NR5A2: variants seen among roughly 807,000 people sequenced by gnomAD.
NR5A2 encodes CYP7A promoter-binding factor.
In NR5A2, 26 loss-of-function variants were observed where a neutral mutation model predicts 62.7. That is an observed-to-expected ratio of 0.41 (90% confidence interval 0.30 to 0.58). NR5A2 has a LOEUF of 0.58. Ranked by LOEUF, NR5A2 falls within the 20% of genes least tolerant of loss-of-function variation. The pLI is 0.22. For synonymous variants in NR5A2, 246 were observed against 241.7 expected (o/e 1.02, Z -0.16); for missense variants, 541 against 669.1 (o/e 0.81, Z 2.11).
chr1:200,105,864 A>C (rs1263413521), intron 5 of NR5A2, among the ~76,000 whole-genome samples: 1 of 152,124 alleles, frequency 6.6e-6, no homozygotes, highest in Non-Finnish European at 1.5e-5. Context: ...AGATGGGAGA[A>C]TTGCTTGAGC....
At chr1:200,059,751 A>AG (rs1385462521) in intron 5 of NR5A2, among the ~76,000 whole-genome samples, 4 of 152,212 alleles carry the variant, frequency 2.6e-5, no homozygotes, top group African/African-American at 9.6e-5. Context: ...TTTATTTTCC[A>AG]GGATAAATAA....
intron 5 of NR5A2, among the ~76,000 whole-genome samples, chr1:200,106,353 G>A (rs933686165): frequency 7.9e-5 from 12 of 152,074 alleles, no homozygotes; most frequent in South Asian, 4.1e-4. Flanking sequence ...CACCATGCCC[G>A]GCCTAGATTC....
chr1:200,037,281 T>C (rs1661821995), intron 1 of NR5A2, among the ~76,000 whole-genome samples: 1 of 152,150 alleles, frequency 6.6e-6, no homozygotes, highest in African/African-American at 2.4e-5. Context: ...CAGACCCTCT[T>C]TCAACTTCTT....
At chr1:200,033,867 T>G (rs1317526633) in intron 1 of NR5A2, among the ~76,000 whole-genome samples, 1 of 152,168 alleles carries the variant, frequency 6.6e-6, no homozygotes, top group Non-Finnish European at 1.5e-5. Flanking sequence ...GCTCCCACTT[T>G]CTTTGCTGAC....
intron 7 of NR5A2, among the ~76,000 whole-genome samples, chr1:200,162,107 C>T (rs61826183): frequency 0.14 from 20,804 of 152,178 alleles, 1,694 homozygotes; most frequent in African/African-American, 0.22. Context: ...TTCTCTTATT[C>T]GACAAATGTG....
intron 5 of NR5A2, among the ~76,000 whole-genome samples, chr1:200,080,107 G>A (rs1664228042): frequency 1.3e-5 from 2 of 152,268 alleles, no homozygotes; most frequent in South Asian, 4.1e-4. Flanking sequence ...GAGAAAGAAG[G>A]AGAACAGACA....
chr1:200,042,699 C>A, intron 2 of NR5A2: 1 of 543,526 alleles, frequency 1.8e-6, no homozygotes, highest in Non-Finnish European at 2.3e-6. Flanking sequence ...CCCGGCTGCG[C>A]AGACCTGCGG....
chr1:200,043,994 T>C lies in NR5A2; in HGVS notation c.321+102T>C. The C allele has an allele frequency of 4.2e-6, 3 of 706,734 alleles. No individual in the cohort carries two copies. In the South Asian group the frequency reaches 5.6e-5, roughly 13 times the overall value. 43.8% of individuals were successfully genotyped at this position (706,734 alleles called of 1,614,324 possible). ...AAATTTAGGCTCCTTTTTTAAAGACTCAACTAAAAATGAGGGAGAAAGAGA... is the reference window on the plus strand; with the variant it reads ...AAATTTAGGCTCCTTTTTTAAAGACCCAACTAAAAATGAGGGAGAAAGAGA... On this transcript the variant is annotated intron_variant, in intron 3 of 7. Transcript: ENST00000367362.
chr1:200,074,686 G>A (rs1191293175), intron 5 of NR5A2, among the ~76,000 whole-genome samples: 5 of 130,988 alleles, frequency 3.8e-5, no homozygotes, highest in East Asian at 5.0e-4. Context: ...GCAGTGAGCC[G>A]AGATCACACC....
chr1:200,053,874 T>C (rs1176969632), intron 5 of NR5A2, among the ~76,000 whole-genome samples: 1 of 152,214 alleles, frequency 6.6e-6, no homozygotes, highest in Non-Finnish European at 1.5e-5. Flanking sequence ...AAGCATTCTC[T>C]AGTGCCCTAC....
At chr1:200,148,601 G>C (rs1482126412) in intron 7 of NR5A2, among the ~76,000 whole-genome samples, 2 of 152,184 alleles carry the variant, frequency 1.3e-5, no homozygotes, top group Non-Finnish European at 2.9e-5. Flanking sequence ...AGGATATGTA[G>C]GGGAAAATTA....
chr1:200,100,159 A>G (rs1665298343), intron 5 of NR5A2, among the ~76,000 whole-genome samples: 1 of 152,240 alleles, frequency 6.6e-6, no homozygotes, highest in South Asian at 2.1e-4. Flanking sequence ...GAGAACAGGA[A>G]ACAGGTAGTG....
intron 5 of NR5A2, among the ~76,000 whole-genome samples, chr1:200,110,204 A>G (rs1203136724): frequency 6.6e-6 from 1 of 152,262 alleles, no homozygotes; most frequent in African/African-American, 2.4e-5. Flanking sequence ...AAAATATTAC[A>G]CAACATATAA....
In NR5A2 at chr1:200,079,103, A is replaced by G. The variant is rs772309117; in HGVS notation, c.1110+30285A>G. ...ATTCTACTTGACAGAAATGATTTCA[A>G]TTAGGGAGTCTCTGGGCTACCTTTT... On this transcript the variant is annotated intron_variant, in intron 5 of 7. Coordinates refer to ENST00000367362, the MANE Select transcript of NR5A2 (RefSeq NM_205860.3). Among the ~76,000 whole-genome samples, 8 of 152,190 alleles carry G rather than the reference A, an allele frequency of 5.3e-5. 1 individual carries two copies. The highest frequency in any genetic ancestry group is 7.4e-5 in the Non-Finnish European group (5 of 68,024).
chr1:200,051,620 A>C (rs928864963), intron 5 of NR5A2, among the ~76,000 whole-genome samples: 2 of 152,228 alleles, frequency 1.3e-5, no homozygotes, highest in African/African-American at 4.8e-5. Context: ...GACCCACTTC[A>C]CAGTTTGCCT....
chr1:200,114,287 TATATATACACAC>T (rs1369646258), intron 6 of NR5A2, among the ~76,000 whole-genome samples: 1 of 121,964 alleles, frequency 8.2e-6, no homozygotes, highest in Admixed American at 8.3e-5. Context: ...TATATACACA[TATATATACACAC>T]ACATATATAT....
intron 5 of NR5A2, among the ~76,000 whole-genome samples, chr1:200,101,739 G>C (rs1665380931): frequency 6.6e-6 from 1 of 152,258 alleles, no homozygotes; most frequent in South Asian, 2.1e-4. Context: ...AAACAGAAAA[G>C]TCTACCAGGA....
At chr1:200,061,275 C>CTTTT (rs35232000) in intron 5 of NR5A2, among the ~76,000 whole-genome samples, 8 of 122,848 alleles carry the variant, frequency 6.5e-5, no homozygotes, top group East Asian at 2.3e-4. Flanking sequence ...TCGGGATTAA[C>CTTTT]TTTTTTTTTT....
At chr1:200,044,195 T>G (rs1428482895) in intron 3 of NR5A2, 1 of 196,742 alleles carries the variant, frequency 5.1e-6, no homozygotes, top group Non-Finnish European at 1.0e-5. Flanking sequence ...TTGATTTTGC[T>G]TGACTTATAT....
Sources: allele counts gnomAD v4.1 joint callset (sites outside exome capture counted in the v4.1 genomes callset), GRCh38; gene constraint gnomAD v4.1.1; transcripts MANE v1.5; gene names NCBI Gene and HGNC (gene_info 2026-07-23, HGNC 2026-07-21).